GRIP1: variants seen among roughly 807,000 people sequenced by gnomAD.
GRIP1 encodes glutamate receptor interacting protein 1.
A neutral mutation model predicts 129.9 loss-of-function variants in GRIP1; 45 were observed. The observed-to-expected ratio is 0.35, with a 90% CI of 0.27 to 0.44. The LOEUF is 0.44. Ranked by LOEUF, GRIP1 falls within the 20% of genes least tolerant of loss-of-function variation. The pLI is 1.00. For missense variants in GRIP1, 1,196 were observed against 1,396.8 expected, an observed-to-expected ratio of 0.86 and a Z score of 2.29; for synonymous variants, 530 against 520.8, an observed-to-expected ratio of 1.02 and a Z score of -0.24.
chr12:67,012,577 T>C (rs759530862), intron 1 of GRIP1, among the ~76,000 whole-genome samples: 2 of 152,182 alleles, frequency 1.3e-5, no homozygotes, highest in Non-Finnish European at 1.5e-5. Flanking sequence ...TCATATGCCA[T>C]GATTTATTTA....
At chr12:66,432,130 G>A (rs932455343) in intron 14 of GRIP1, among the ~76,000 whole-genome samples, 17 of 151,830 alleles carry the variant, frequency 1.1e-4, no homozygotes, top group Non-Finnish European at 2.4e-4. Context: ...TATATTATAC[G>A]ATATACTAAT....
chr12:66,688,577 A>G (rs974655885), intron 1 of GRIP1, among the ~76,000 whole-genome samples: 12 of 152,114 alleles, frequency 7.9e-5, no homozygotes, highest in Admixed American at 6.5e-5. Flanking sequence ...GGAAATTCAC[A>G]TTTTACCAAA....
intron 2 of GRIP1, among the ~76,000 whole-genome samples, chr12:66,579,057 C>A (rs1311160728): frequency 6.6e-6 from 1 of 152,170 alleles, no homozygotes; most frequent in Non-Finnish European, 1.5e-5. Flanking sequence ...TCCTCTGAGA[C>A]AAAACTTCCA....
chr12:66,739,329 G>A (rs79123580), intron 1 of GRIP1, among the ~76,000 whole-genome samples: 4,543 of 152,110 alleles, frequency 0.03, 153 homozygotes, highest in African/African-American at 0.076. Context: ...AAAGTAATTT[G>A]CACAAAGAAT....
chr12:66,381,685 G>C (rs533508684), intron 19 of GRIP1, among the ~76,000 whole-genome samples: 1 of 152,248 alleles, frequency 6.6e-6, no homozygotes, highest in East Asian at 1.9e-4. Flanking sequence ...GTAGTTCTTG[G>C]AGACTTAGGC....
intron 1 of GRIP1, among the ~76,000 whole-genome samples, chr12:66,887,261 G>A (rs2040581366): frequency 6.6e-6 from 1 of 152,198 alleles, no homozygotes; most frequent in African/African-American, 2.4e-5. Flanking sequence ...AAAGACTGCT[G>A]AAGCATAGAA....
chr12:66,631,777 A>G (rs773339195), intron 1 of GRIP1, among the ~76,000 whole-genome samples: 4 of 152,242 alleles, frequency 2.6e-5, no homozygotes, highest in Non-Finnish European at 4.4e-5. Context: ...AGAAATTTCT[A>G]TCTAAGCAGA....
intron 1 of GRIP1, among the ~76,000 whole-genome samples, chr12:66,670,929 G>A (rs1316792700): frequency 6.6e-6 from 1 of 152,034 alleles, no homozygotes; most frequent in Non-Finnish European, 1.5e-5. Context: ...TAAAATTCCT[G>A]GGCTTGTCTC....
intron 1 of GRIP1, among the ~76,000 whole-genome samples, chr12:66,884,419 A>T (rs1024551766): frequency 6.6e-6 from 1 of 152,230 alleles, no homozygotes; most frequent in Non-Finnish European, 1.5e-5. Context: ...ATTACTCTCT[A>T]CAATCTTCTT....
intron 1 of GRIP1, among the ~76,000 whole-genome samples, chr12:66,877,720 C>A (rs797012330): frequency 2.6e-5 from 4 of 152,206 alleles, no homozygotes; most frequent in African/African-American, 9.6e-5. Flanking sequence ...ATACACCCCA[C>A]ATATTCATTC....
intron 1 of GRIP1, among the ~76,000 whole-genome samples, chr12:67,048,249 G>A (rs559242811): frequency 6.6e-6 from 1 of 151,584 alleles, no homozygotes; most frequent in South Asian, 2.1e-4. Context: ...ACACACAAAC[G>A]TGACAAGATT....
In GRIP1 at chr12:66,515,863, G is replaced by A. The variant is rs983422319; in HGVS notation, c.579-99C>T. On this transcript the variant is annotated intron_variant, in intron 6 of 24. Coordinates refer to ENST00000359742, the MANE Select transcript of GRIP1 (RefSeq NM_001366722.1). ...AAATTCGTTTTGTCACACATATTCT[G>A]CCATCCATCTCATTTGCATTCTTTT... 4.8e-5 allele frequency: 44 copies of A among 912,766 alleles called. 2 individuals are homozygous for A. In the Admixed American group the frequency reaches 7.0e-4, roughly 15 times the overall value. 56.5% of individuals were successfully genotyped at this position (912,766 alleles called of 1,614,324 possible).
chr12:66,602,638 G>T (rs746214347), intron 1 of GRIP1, among the ~76,000 whole-genome samples: 12 of 152,096 alleles, frequency 7.9e-5, no homozygotes, highest in Non-Finnish European at 1.2e-4. Flanking sequence ...ATCTGAGCTT[G>T]ATGGCAAGAA....
intron 1 of GRIP1, among the ~76,000 whole-genome samples, chr12:66,624,618 C>A (rs1256691699): frequency 6.6e-6 from 1 of 152,124 alleles, no homozygotes; most frequent in African/African-American, 2.4e-5. Context: ...GCAGCAAGTA[C>A]TAGGCTGATG....
At chr12:66,438,334 G>C (rs933214139) in intron 13 of GRIP1, among the ~76,000 whole-genome samples, 1 of 152,120 alleles carries the variant, frequency 6.6e-6, no homozygotes, top group African/African-American at 2.4e-5. Flanking sequence ...CTTGTCTATA[G>C]GGACAAATGG....
intron 4 of GRIP1, among the ~76,000 whole-genome samples, chr12:66,531,300 T>TATATATAC (rs2061456023): frequency 1.4e-5 from 1 of 69,576 alleles, no homozygotes; most frequent in Non-Finnish European, 2.6e-5. Context: ...TATATATATA[T>TATATATAC]ATACACACAC....
chr12:67,043,297 C>T (rs2043206355), intron 1 of GRIP1, among the ~76,000 whole-genome samples: 1 of 152,284 alleles, frequency 6.6e-6, no homozygotes, highest in East Asian at 1.9e-4. Flanking sequence ...AATCGCTAAA[C>T]TCTAGAAAAA....
At chr12:67,006,769 T>C (rs2042633537) in intron 1 of GRIP1, among the ~76,000 whole-genome samples, 1 of 152,128 alleles carries the variant, frequency 6.6e-6, no homozygotes, top group Admixed American at 6.6e-5. Context: ...AAAAGGGCTT[T>C]TGTTTGATCA....
chr12:66,986,609 A>G (rs1208299775), intron 1 of GRIP1, among the ~76,000 whole-genome samples: 3 of 146,892 alleles, frequency 2.0e-5, no homozygotes, highest in South Asian at 2.2e-4. Context: ...GTTCTCACTC[A>G]TAGGTGGGAA....
Sources: allele counts gnomAD v4.1 joint callset (sites outside exome capture counted in the v4.1 genomes callset), GRCh38; gene constraint gnomAD v4.1.1; transcripts MANE v1.5; gene names NCBI Gene and HGNC (gene_info 2026-07-23, HGNC 2026-07-21).